Variants in LRIF1 observed in about 807,000 individuals in gnomAD.
The protein encoded by LRIF1 is ligand-dependent nuclear receptor-interacting factor 1.
A neutral mutation model predicts 52.7 loss-of-function variants in LRIF1; 32 were observed. That is an observed-to-expected ratio of 0.61 (90% CI 0.46 to 0.82). The LOEUF (loss-of-function observed/expected upper bound fraction) is 0.82, where lower values mean the gene tolerates loss of function less well. Among genes scored for constraint, LRIF1 ranks in the 40% least tolerant of loss-of-function variants. The pLI is 0.00. For synonymous variants in LRIF1, 323 were observed against 317.4 expected (o/e 1.02, Z -0.19); for missense variants, 887 against 892.0 (o/e 0.99, Z 0.07).
chr1:110,948,119 CT>C lies in LRIF1; in HGVS notation c.2149del (p.Ser717ValfsTer15). 6.2e-7 allele frequency: 1 copy of C among 1,614,022 alleles called. No homozygotes were observed. The highest frequency in any genetic ancestry group is 8.5e-7 in the Non-Finnish European group (1 of 1,179,974). ...GGTATAATTTTTATTGAAGAAATGA[CT>C]TTGTTCATAAGCTGCATTTGAATTC... ...TLNSNAAYEQ[S>X]HFFNKNYTED... On this transcript the variant is annotated frameshift_variant, in exon 4 of 4. Transcript: ENST00000369763. LOFTEE classifies it high-confidence loss of function.
chr1:110,931,803 A>G, the LRIF1 span, among the ~76,000 whole-genome samples: 1 of 152,116 alleles, frequency 6.6e-6, no homozygotes, highest in Non-Finnish European at 1.5e-5. Flanking sequence ...GTGTCTGTTC[A>G]TATCCTTTGC....
rs1659067439 is a variant in LRIF1 at position 110,963,771 on chromosome 1, G to A, written c.-83C>T. The stretch of plus-strand genomic sequence containing the variant: ...TTCCCAATGGGGCGAGAACCAGAGC[G>A]AGGGAATGTTGGGCTGGAGTTGCCC... On this transcript the variant is annotated 5_prime_UTR_variant, in exon 1 of 4. Coordinates refer to ENST00000369763, the MANE Select transcript of LRIF1 (RefSeq NM_018372.4). 8.7e-7 allele frequency: 1 copy of A among 1,151,486 alleles called. No homozygotes were observed. The highest frequency in any genetic ancestry group is 1.3e-6 in the Non-Finnish European group (1 of 791,958). The allele number at this position is 1,151,486 out of a possible 1,614,324, so 71.3% of individuals were successfully genotyped here. A position where few individuals can be genotyped will look rare whatever the true frequency, so the allele number is the denominator to read the frequency against.
chr1:110,897,075 T>C, the LRIF1 span, among the ~76,000 whole-genome samples: 1 of 152,200 alleles, frequency 6.6e-6, no homozygotes, highest in Non-Finnish European at 1.5e-5. Flanking sequence ...AGGGTTGAGA[T>C]AGAAAAGTTT....
the LRIF1 span, among the ~76,000 whole-genome samples, chr1:110,915,247 A>G: frequency 1.3e-5 from 2 of 152,210 alleles, no homozygotes; most frequent in Non-Finnish European, 2.9e-5. Context: ...GCACTTTGGG[A>G]GGCCGAGGCG....
the LRIF1 span, among the ~76,000 whole-genome samples, chr1:110,895,780 G>T: frequency 2.0e-4 from 31 of 152,154 alleles, no homozygotes; most frequent in African/African-American, 7.5e-4. Context: ...ACAGAAAAAT[G>T]AATCTCCCAA....
chr1:110,918,414 T>A, the LRIF1 span, among the ~76,000 whole-genome samples: 1 of 152,108 alleles, frequency 6.6e-6, no homozygotes, highest in African/African-American at 2.4e-5. Flanking sequence ...ACAAAACATT[T>A]AAAAATGTAT....
At chr1:110,899,430 A>C in the LRIF1 span, 1 of 429,720 alleles carries the variant, frequency 2.3e-6, no homozygotes, top group Non-Finnish European at 4.2e-6. Flanking sequence ...AAGTGGTGAA[A>C]CTAATATCTG....
Position 110,951,282 on chromosome 1 carries a change from A to G in LRIF1, c.1596+6T>C. 6.3e-7 allele frequency: 1 copy of G among 1,598,870 alleles called. No individual in the cohort carries two copies. The highest frequency in any genetic ancestry group is 8.5e-7 in the Non-Finnish European group (1 of 1,174,238). Reference sequence around the variant, plus strand: ...TAAAAAGAGCACCCTGACATGGGAAAATTACCTTTGGTTCTTGGTCTCTGA... The same window carrying G: ...TAAAAAGAGCACCCTGACATGGGAAGATTACCTTTGGTTCTTGGTCTCTGA... On this transcript the variant is annotated splice_donor_region_variant and intron_variant, in intron 2 of 3. Transcript: ENST00000369763.
Position 110,959,185 on chromosome 1 carries a change from T to C in LRIF1, c.68+4436A>G, listed in dbSNP as rs80345357. On this transcript the variant is annotated intron_variant, in intron 1 of 3. Coordinates refer to ENST00000369763, the MANE Select transcript of LRIF1 (RefSeq NM_018372.4). ...GGTGTTCAAACTGAGAAACTACATTTGAAAAATAATACAGTTTAACAGTTT... is the reference window on the plus strand; with the variant it reads ...GGTGTTCAAACTGAGAAACTACATTCGAAAAATAATACAGTTTAACAGTTT... 3.0e-3 allele frequency among the ~76,000 whole-genome samples: 454 copies of C among 152,198 alleles called. 4 individuals carry two copies. The highest frequency in any genetic ancestry group is 4.0e-3 in the Non-Finnish European group (273 of 68,014).
At chr1:110,953,129 C>T (rs550891371) in intron 1 of LRIF1, among the ~76,000 whole-genome samples, 28 of 152,012 alleles carry the variant, frequency 1.8e-4, no homozygotes, top group African/African-American at 6.5e-4. Context: ...ATATTAGCAT[C>T]CTCCCTTCCC....
At chr1:110,951,082 C>G (rs1453695489) in intron 2 of LRIF1, among the ~76,000 whole-genome samples, 2 of 152,244 alleles carry the variant, frequency 1.3e-5, no homozygotes, top group South Asian at 2.1e-4. Flanking sequence ...AAAGACTGTA[C>G]TCCTTTGTAC....
the LRIF1 span, among the ~76,000 whole-genome samples, chr1:110,935,244 A>G: frequency 0.26 from 39,585 of 152,088 alleles, 5,666 homozygotes; most frequent in East Asian, 0.35. Context: ...AGTGAAGACT[A>G]TAATAAATAC....
chr1:110,922,085 A>G, the LRIF1 span, among the ~76,000 whole-genome samples: 1 of 152,118 alleles, frequency 6.6e-6, no homozygotes, highest in Admixed American at 6.5e-5. Context: ...TTTGGTTTTG[A>G]GTTCCTGTGT....
chr1:110,952,572 T>G lies in LRIF1; in HGVS notation c.312A>C (p.Ser104=). The change falls in exon 2 of 4, where the codon TCA becomes TCC. Residue 104 remains serine (S), a synonymous_variant. Coordinates refer to ENST00000369763, the MANE Select transcript of LRIF1 (RefSeq NM_018372.4). The part of the protein sequence containing the change: ...QLPIFQPASS[S]NYFLTRTVDT... ...CTACTGTTCTTGTAAGAAAATAGTTTGAAGAACTGGCTGGCTGAAAAATGG... is the reference window on the plus strand; with the variant it reads ...CTACTGTTCTTGTAAGAAAATAGTTGGAAGAACTGGCTGGCTGAAAAATGG... 2 of 1,613,992 alleles carry G rather than the reference T, an allele frequency of 1.2e-6. No homozygotes were observed. Among genetic ancestry groups the G allele is most frequent in the African/African-American group, 1.3e-5 (1 of 75,068 alleles).
At chr1:110,957,222 C>A (rs1481986124) in intron 1 of LRIF1, among the ~76,000 whole-genome samples, 1 of 150,540 alleles carries the variant, frequency 6.6e-6, no homozygotes, top group Non-Finnish European at 1.5e-5. Context: ...CTTTGGGAGG[C>A]CGAGGCAGGT....
chr1:110,892,714 G>C, the LRIF1 span: 1 of 570,658 alleles, frequency 1.8e-6, no homozygotes. Flanking sequence ...AGGGTCCCAC[G>C]GACAGGTGAA....
the LRIF1 span, chr1:110,896,569 G>T: frequency 7.8e-7 from 1 of 1,275,096 alleles, no homozygotes. Flanking sequence ...CAGATCTGAA[G>T]GGCACACCTT....
intron 1 of LRIF1, among the ~76,000 whole-genome samples, chr1:110,956,527 T>C (rs1658706889): frequency 2.0e-5 from 3 of 152,098 alleles, no homozygotes; most frequent in East Asian, 1.9e-4. Context: ...ACAGTTACAG[T>C]AGGAACAGTT....
At chr1:110,919,498 C>T in the LRIF1 span, among the ~76,000 whole-genome samples, 1 of 152,046 alleles carries the variant, frequency 6.6e-6, no homozygotes, top group Non-Finnish European at 1.5e-5. Flanking sequence ...AACTTGTGAT[C>T]GTGTAAGTTA....
Sources: allele counts gnomAD v4.1 joint callset (sites outside exome capture counted in the v4.1 genomes callset), GRCh38; gene constraint gnomAD v4.1.1; transcripts MANE v1.5; gene names NCBI Gene and HGNC (gene_info 2026-07-23, HGNC 2026-07-21).